Variants in CTDP1 observed in about 807,000 individuals in gnomAD.
CTDP1 encodes the protein RNA polymerase II subunit A C-terminal domain phosphatase.
CTDP1 carries 47 observed loss-of-function variants against 91.8 expected under a neutral mutation model. The ratio of observed to expected loss-of-function variants is 0.51; its 90% CI spans 0.41 to 0.65. The LOEUF (loss-of-function observed/expected upper bound fraction) is 0.65. Among genes scored for constraint, CTDP1 ranks in the 30% least tolerant of loss-of-function variants. The probability of loss-of-function intolerance (pLI) is 0.00; values close to 1 mark genes in which losing one functional copy is unlikely to be tolerated. For synonymous variants in CTDP1, 656 were observed against 598.5 expected (o/e 1.10, Z -1.40); for missense variants, 1,272 against 1,373.7 (o/e 0.93, Z 1.17).
At chr18:79,727,770 G>C (rs906413665) in intron 10 of CTDP1, among the ~76,000 whole-genome samples, 18 of 152,164 alleles carry the variant, frequency 1.2e-4, no homozygotes, top group Admixed American at 3.9e-4. Context: ...TGGTATCTGG[G>C]ACGCACGCTT....
chr18:79,712,904 GC>G (rs1236023627), intron 6 of CTDP1, 67 bp from the exon 7 acceptor site: 2 of 1,538,952 alleles, frequency 1.3e-6, no homozygotes, highest in East Asian at 4.5e-5. Flanking sequence ...AAACTGTTAC[GC>G]TTGGCAAGAT....
At chr18:79,681,596 C>A in intron 1 of CTDP1, 1 of 558,694 alleles carries the variant, frequency 1.8e-6, no homozygotes, top group Non-Finnish European at 2.3e-6. Context: ...CAACCCAGTG[C>A]ATCAGTCAGT....
In CTDP1 at chr18:79,715,044, T is replaced by C. The variant is rs1228303037; in HGVS notation, c.1584T>C (p.Pro528=). 1.8e-5 allele frequency: 29 copies of C among 1,609,048 alleles called. No homozygotes were observed. The highest frequency in any genetic ancestry group is 2.4e-5 in the Non-Finnish European group (28 of 1,178,474). ...GCGCGCATGCCCCGGACAAGGAGCC[T>C]GAGCTGGGTGGGCAGGAGGAGGGCG... ...EPGAHAPDKE[P]ELGGQEEGER... The change falls in exon 8 of 13, where the codon CCT becomes CCC. Residue 528 remains proline, a synonymous_variant. Coordinates refer to ENST00000613122, the MANE Select transcript of CTDP1 (RefSeq NM_004715.5).
At chr18:79,704,610 G>A (rs2085927704) in intron 4 of CTDP1, among the ~76,000 whole-genome samples, 157 bp from the exon 5 acceptor site, 1 of 152,246 alleles carries the variant, frequency 6.6e-6, no homozygotes, top group South Asian at 2.1e-4. Context: ...AGGCACCCGT[G>A]TGTCTTCAGG....
upstream of CTDP1, chr18:79,677,564 C>G (rs541737463): frequency 6.6e-6 from 1 of 152,262 alleles, no homozygotes; most frequent in Non-Finnish European, 1.5e-5. Context: ...CTGTTCACTA[C>G]GTATGGAGAA....
intron 11 of CTDP1, chr18:79,736,092 A>G (rs1358889725): frequency 3.6e-6 from 2 of 551,952 alleles, no homozygotes; most frequent in Non-Finnish European, 6.5e-6. Context: ...GTCCCTGTTC[A>G]CATAAGGGAC....
intron 12 of CTDP1, among the ~76,000 whole-genome samples, chr18:79,753,408 C>T (rs987278550): frequency 2.0e-5 from 3 of 152,254 alleles, no homozygotes; most frequent in Non-Finnish European, 4.4e-5. Context: ...AGCAGGTGAA[C>T]ACCTGCTTTG....
intron 1 of CTDP1, among the ~76,000 whole-genome samples, chr18:79,681,795 C>T (rs2085374900): frequency 6.6e-6 from 1 of 152,208 alleles, no homozygotes; most frequent in African/African-American, 2.4e-5. Context: ...CATCTCTCTG[C>T]CTCCAGTCCA....
intron 1 of CTDP1, among the ~76,000 whole-genome samples, chr18:79,689,882 C>T (rs2085584533): frequency 6.6e-6 from 1 of 152,186 alleles, no homozygotes; most frequent in African/African-American, 2.4e-5. Context: ...AAACTTATCC[C>T]AGCTGTGGCC....
chr18:79,729,425 C>T (rs1427986515), intron 11 of CTDP1, among the ~76,000 whole-genome samples: 1 of 152,204 alleles, frequency 6.6e-6, no homozygotes, highest in African/African-American at 2.4e-5. Context: ...ATGGTCATGA[C>T]AAGGGGTGAC....
intron 10 of CTDP1, among the ~76,000 whole-genome samples, chr18:79,724,208 G>A (rs997545622): frequency 1.3e-5 from 2 of 152,222 alleles, no homozygotes; most frequent in Non-Finnish European, 2.9e-5. Context: ...TGCTCAGCCC[G>A]TAAGTGTAAC....
chr18:79,739,576 C>T (rs1019527668), intron 12 of CTDP1, among the ~76,000 whole-genome samples: 3 of 152,192 alleles, frequency 2.0e-5, no homozygotes, highest in Admixed American at 1.3e-4. Flanking sequence ...ATGCTGCCCT[C>T]CCAGCTGCAG....
At chr18:79,700,699 T>G (rs868637447) in intron 4 of CTDP1, among the ~76,000 whole-genome samples, 1 of 152,166 alleles carries the variant, frequency 6.6e-6, no homozygotes, top group South Asian at 2.1e-4. Flanking sequence ...AGATCACTGA[T>G]GAAACTAAAC....
intron 5 of CTDP1, among the ~76,000 whole-genome samples, chr18:79,708,860 G>A (rs563687139): frequency 1.3e-5 from 2 of 152,378 alleles, no homozygotes; most frequent in Admixed American, 1.3e-4. Flanking sequence ...CCTCTTGGGA[G>A]AGTAATAATT....
At chr18:79,682,825 G>C (rs765656163) in intron 1 of CTDP1, among the ~76,000 whole-genome samples, 2 of 152,150 alleles carry the variant, frequency 1.3e-5, no homozygotes, top group African/African-American at 4.8e-5. Context: ...AGATTGTGCC[G>C]CTTTGTGATG....
At chr18:79,715,812 A>G (rs911482801) in intron 8 of CTDP1, among the ~76,000 whole-genome samples, 2 of 152,208 alleles carry the variant, frequency 1.3e-5, no homozygotes, top group African/African-American at 4.8e-5. Flanking sequence ...GTTGGAAAAC[A>G]GGGAATCAGC....
chr18:79,701,378 C>T (rs1001947583), intron 4 of CTDP1, among the ~76,000 whole-genome samples: 3 of 151,656 alleles, frequency 2.0e-5, no homozygotes, highest in Non-Finnish European at 4.4e-5. Flanking sequence ...GGTGTGGTGG[C>T]GGGTGCCTGT....
In CTDP1 at chr18:79,729,151, G is replaced by A. The variant is rs1290219449; in HGVS notation, c.2580+82G>A. 7 of 1,576,172 alleles carry A rather than the reference G, an allele frequency of 4.4e-6. No homozygotes were observed. In the African/African-American group the frequency reaches 8.1e-5, roughly 18 times the overall value. On this transcript the variant is annotated intron_variant, in intron 11 of 12. Coordinates refer to ENST00000613122, the MANE Select transcript of CTDP1 (RefSeq NM_004715.5). ...CTCTGGTGTGCGGGCGGATTGCTGA[G>A]CTGTGCACCTGGAGGCCGAGCTAGA...
In CTDP1 at chr18:79,680,022, G is replaced by T; in HGVS notation, c.75G>T (p.Pro25=). Residue 25 remains proline (P), a synonymous_variant, in exon 1 of 13, where the codon CCG becomes CCT. Coordinates refer to ENST00000613122, the MANE Select transcript of CTDP1 (RefSeq NM_004715.5). ...PTAAVAEVRC[P]GPAPLRLLEW... ...CGGCTGTGGCCGAGGTGCGCTGCCCGGGGCCCGCGCCGCTGCGCCTGCTGG... is the reference window on the plus strand; with the variant it reads ...CGGCTGTGGCCGAGGTGCGCTGCCCTGGGCCCGCGCCGCTGCGCCTGCTGG... 1 of 1,269,898 alleles carries T rather than the reference G, an allele frequency of 7.9e-7. No homozygotes were observed. The highest frequency in any genetic ancestry group is 9.9e-7 in the Non-Finnish European group (1 of 1,011,846). 78.7% of individuals were successfully genotyped at this position (1,269,898 alleles called of 1,614,324 possible).
Sources: gnomAD v4.1 joint callset for allele counts (sites outside exome capture counted in the v4.1 genomes callset) on GRCh38, gnomAD v4.1.1 for gene constraint, MANE v1.5 for transcripts, NCBI Gene and HGNC (gene_info 2026-07-23, HGNC 2026-07-21) for gene names.